Variants in IQGAP1 observed in about 807,000 individuals in gnomAD.
IQGAP1 encodes the protein IQ motif containing GTPase activating protein 1, also known as ras GTPase-activating-like protein IQGAP1.
Under a neutral mutation model 215.6 loss-of-function variants are expected in IQGAP1, and 66 were observed. The ratio of observed to expected loss-of-function variants is 0.31; its 90% CI spans 0.25 to 0.38. The LOEUF (loss-of-function observed/expected upper bound fraction) is 0.38. Among genes scored for constraint, IQGAP1 ranks in the 10% least tolerant of loss-of-function variants. The pLI is 1.00. For synonymous variants in IQGAP1, 772 were observed against 728.7 expected (o/e 1.06, Z -0.96); for missense variants, 1,712 against 1,997.1 (o/e 0.86, Z 2.72).
At chr15:90,471,944 G>A (rs2151031437) in intron 18 of IQGAP1, among the ~76,000 whole-genome samples, 1 of 152,122 alleles carries the variant, frequency 6.6e-6, no homozygotes, top group South Asian at 2.1e-4. Context: ...CCTTGTTCAA[G>A]CCCAGGCCAT....
In IQGAP1 at chr15:90,472,962, C is replaced by T. The variant is rs143238352; in HGVS notation, c.2301C>T (p.Ser767=). The T allele has an allele frequency of 2.2e-4, 360 of 1,613,900 alleles. No homozygotes were observed. Among genetic ancestry groups the T allele is most frequent in the Non-Finnish European group, 2.9e-4 (343 of 1,179,978 alleles). The change falls in exon 19 of 38, where the codon TCC becomes TCT. Residue 767 remains serine, a synonymous_variant. Transcript: ENST00000268182. ...RGYLVRQEFR[S]RMNFLKKQIP... ...ACTTAGTTCGACAGGAATTCCGATCCAGGATGAATTTCCTGAAGAAACAAA... is the reference window on the plus strand; with the variant it reads ...ACTTAGTTCGACAGGAATTCCGATCTAGGATGAATTTCCTGAAGAAACAAA...
At chr15:90,490,819 G>A (rs1001265235) in intron 33 of IQGAP1, among the ~76,000 whole-genome samples, 2 of 152,028 alleles carry the variant, frequency 1.3e-5, no homozygotes, top group African/African-American at 4.8e-5. Flanking sequence ...CTTGTTTTTT[G>A]TTTTTTTGAG....
At position 90,400,013 on chromosome 15, in the gene IQGAP1, G is replaced by C. The variant is rs962691404; in HGVS notation, c.155+9140G>C. Among the ~76,000 whole-genome samples, 4 of 152,052 alleles carry C rather than the reference G, an allele frequency of 2.6e-5. 1 individual carries two copies. The South Asian group carries it at 8.3e-4, about 31-fold the overall frequency. On this transcript the variant is annotated intron_variant, in intron 2 of 37. Coordinates refer to ENST00000268182, the MANE Select transcript of IQGAP1 (RefSeq NM_003870.4). ...ATTTTAACTCTATGACAAGTAACTT[G>C]ATTTTTTTTTCCTTTTTTCGTGACT...
At chr15:90,490,231 A>G (rs1269071147) in intron 33 of IQGAP1, among the ~76,000 whole-genome samples, 1 of 152,250 alleles carries the variant, frequency 6.6e-6, no homozygotes, top group Admixed American at 6.5e-5. Flanking sequence ...TCAATGAAGT[A>G]TTGAGAGTAA....
At chr15:90,486,171 T>C in intron 31 of IQGAP1, 39 bp downstream of exon 31, 1 of 1,438,502 alleles carries the variant, frequency 7.0e-7, no homozygotes, top group Non-Finnish European at 9.7e-7. Flanking sequence ...CAAAAGGGAA[T>C]GTGACAGAAA....
chr15:90,426,990 G>A (rs1165368996), intron 3 of IQGAP1, among the ~76,000 whole-genome samples: 2 of 151,560 alleles, frequency 1.3e-5, no homozygotes, highest in Non-Finnish European at 2.9e-5. Context: ...ATTTTAGGCT[G>A]GGCACACTGA....
At chr15:90,492,786 C>T in intron 35 of IQGAP1, 75 bp downstream of exon 35, 4 of 1,266,546 alleles carry the variant, frequency 3.2e-6, no homozygotes, top group Non-Finnish European at 4.3e-6. Flanking sequence ...TGAAATGACA[C>T]TGGAAATTTT....
intron 17 of IQGAP1, 23 bp from the exon 18 acceptor site, chr15:90,467,427 A>T: frequency 6.2e-7 from 1 of 1,603,258 alleles, no homozygotes; most frequent in Non-Finnish European, 8.5e-7. Flanking sequence ...GATGTCTTCT[A>T]TCTTTCCTTT....
At chr15:90,438,385 A>G (rs557837693) in intron 5 of IQGAP1, among the ~76,000 whole-genome samples, 94 of 152,298 alleles carry the variant, frequency 6.2e-4, no homozygotes, top group African/African-American at 2.2e-3. Context: ...TTATTAATAT[A>G]TGCTAGGCTC....
Position 90,466,370 on chromosome 15 carries a change from A to C in IQGAP1, c.1969A>C (p.Ile657Leu). 6.2e-7 allele frequency: 1 copy of C among 1,614,206 alleles called. No homozygotes were observed. The change falls in exon 17 of 38, where the codon ATC (isoleucine) becomes CTC (leucine). Residue 657 changes from isoleucine to leucine, a missense_variant. By Grantham distance (5) the Ile-to-Leu change is conservative. Transcript: ENST00000268182. The part of the protein sequence containing the change: ...RSPDVGLYGV[I>L]PECGETYHSD... ...CCCTGATGTTGGCTTGTATGGAGTCATCCCTGAGTGTGGTGAAACTTACCA... is the reference window on the plus strand; with the variant it reads ...CCCTGATGTTGGCTTGTATGGAGTCCTCCCTGAGTGTGGTGAAACTTACCA...
At chr15:90,499,952 CTGT>C (rs5814434) in intron 37 of IQGAP1, 40 bp from the exon 38 acceptor site, 757 of 899,608 alleles carry the variant, frequency 8.4e-4, no homozygotes, top group Middle Eastern at 1.1e-3. Context: ...ACTTGATTAA[CTGT>C]CAAAATGTTT....
At chr15:90,440,982 C>T (rs1965440928) in intron 7 of IQGAP1, among the ~76,000 whole-genome samples, 1 of 151,998 alleles carries the variant, frequency 6.6e-6, no homozygotes, top group Non-Finnish European at 1.5e-5. Context: ...TGGTGTGCAC[C>T]TGTAATCCCA....
In IQGAP1 at chr15:90,499,228, A is replaced by T. The variant is rs76373330; in HGVS notation, c.4861-767A>T. On this transcript the variant is annotated intron_variant, in intron 37 of 37. Transcript: ENST00000268182. ...ACTTGTTCAGGACAATGGTGAAAGT[A>T]GCAGGAAAAGCGGGAGCATTGCAGT... 2.1e-3 allele frequency among the ~76,000 whole-genome samples: 313 copies of T among 152,360 alleles called. 1 individual carries two copies. Among genetic ancestry groups the T allele is most frequent in the African/African-American group, 7.3e-3 (303 of 41,594 alleles).
intron 2 of IQGAP1, among the ~76,000 whole-genome samples, chr15:90,402,931 A>C (rs1047308594): frequency 3.3e-5 from 5 of 152,266 alleles, no homozygotes; most frequent in Admixed American, 3.3e-4. Context: ...TAAAACAGCT[A>C]AAAGTAAACA....
chr15:90,416,906 C>G (rs1191838530), intron 2 of IQGAP1, among the ~76,000 whole-genome samples: 1 of 152,130 alleles, frequency 6.6e-6, no homozygotes, highest in Non-Finnish European at 1.5e-5. Flanking sequence ...GATCACTATT[C>G]TAACTGGTGT....
chr15:90,436,387 A>T (rs62020724), intron 5 of IQGAP1, among the ~76,000 whole-genome samples: 3,736 of 152,302 alleles, frequency 0.025, 69 homozygotes, highest in Non-Finnish European at 0.038. Flanking sequence ...ATATTCAGAC[A>T]TATCTGGCTC....
chr15:90,482,615 T>C, intron 28 of IQGAP1: 1 of 501,916 alleles, frequency 2.0e-6, no homozygotes, highest in Non-Finnish European at 2.9e-6. Flanking sequence ...CTGCTAAGGC[T>C]GTTGCTGATA....
chr15:90,429,533 A>G, intron 3 of IQGAP1, 56 bp from the exon 4 acceptor site: 1 of 1,315,222 alleles, frequency 7.6e-7, no homozygotes, highest in South Asian at 1.4e-5. Flanking sequence ...GAGAGTTTTT[A>G]TTTAATATTT....
At chr15:90,473,476 G>T in intron 19 of IQGAP1, 1 of 502,984 alleles carries the variant, frequency 2.0e-6, no homozygotes, top group Non-Finnish European at 3.6e-6. Flanking sequence ...AATCTGTATG[G>T]CTGCACTGTA....
Sources: allele counts gnomAD v4.1 joint callset (sites outside exome capture counted in the v4.1 genomes callset), GRCh38; gene constraint gnomAD v4.1.1; transcripts MANE v1.5; gene names NCBI Gene and HGNC (gene_info 2026-07-23, HGNC 2026-07-21).